LAMA2: variants seen among roughly 807,000 people sequenced by gnomAD.
LAMA2 encodes the protein laminin subunit alpha-2.
LAMA2 carries 269 observed loss-of-function variants against 364.8 expected under a neutral mutation model. The observed-to-expected ratio is 0.74, with a 90% CI of 0.67 to 0.82. The LOEUF (loss-of-function observed/expected upper bound fraction) is 0.82, where lower values mean the gene tolerates loss of function less well. LAMA2 is among the 40% of genes least tolerant of loss of function. The pLI is 0.00. For synonymous variants in LAMA2, 1,379 were observed against 1,370.6 expected (o/e 1.01, Z -0.14); for missense variants, 3,807 against 3,873.2 (o/e 0.98, Z 0.45).
intron 1 of LAMA2, among the ~76,000 whole-genome samples, chr6:128,910,119 A>C (rs1777797135): frequency 6.6e-6 from 1 of 151,608 alleles, no homozygotes; most frequent in South Asian, 2.1e-4. Context: ...TGTGTCTTGG[A>C]GTTGCTTTTC....
chr6:129,295,823 A>G (rs1441088708), intron 20 of LAMA2, among the ~76,000 whole-genome samples: 1 of 151,510 alleles, frequency 6.6e-6, no homozygotes, highest in East Asian at 1.9e-4. Flanking sequence ...ATATGTGTTT[A>G]TACATATATC....
intron 7 of LAMA2, among the ~76,000 whole-genome samples, chr6:129,153,240 G>A (rs551423570): frequency 1.2e-4 from 19 of 152,194 alleles, no homozygotes; most frequent in East Asian, 3.9e-4. Flanking sequence ...AAGACATTAC[G>A]CTAATGATTT....
intron 1 of LAMA2, among the ~76,000 whole-genome samples, chr6:129,006,878 G>A (rs937913421): frequency 3.9e-5 from 6 of 151,998 alleles, no homozygotes; most frequent in Non-Finnish European, 7.4e-5. Context: ...CAGTGTACCC[G>A]CATGCTTTCC....
intron 1 of LAMA2, among the ~76,000 whole-genome samples, chr6:128,950,078 T>C (rs1780719130): frequency 6.6e-6 from 1 of 152,202 alleles, no homozygotes; most frequent in Non-Finnish European, 1.5e-5. Context: ...GTTTAAGTAC[T>C]TACAATATGC....
intron 6 of LAMA2, among the ~76,000 whole-genome samples, chr6:129,147,475 T>C (rs919607109): frequency 6.6e-6 from 1 of 150,940 alleles, no homozygotes; most frequent in Non-Finnish European, 1.5e-5. Context: ...AACAGGAGGA[T>C]AAAATAGGGC....
chr6:129,132,778 T>C (rs1777568503), intron 4 of LAMA2, among the ~76,000 whole-genome samples: 1 of 152,224 alleles, frequency 6.6e-6, no homozygotes, highest in Non-Finnish European at 1.5e-5. Context: ...GTGTGCTAGA[T>C]ATTGTTCTAA....
intron 29 of LAMA2, among the ~76,000 whole-genome samples, chr6:129,337,894 T>TA (rs1443339668): frequency 1.3e-5 from 2 of 152,156 alleles, no homozygotes; most frequent in African/African-American, 4.8e-5. Context: ...CTATGTACAC[T>TA]ATTTCAAAGC....
intron 24 of LAMA2, 75 bp downstream of exon 24, chr6:129,314,873 G>A (rs1774480920): frequency 2.0e-6 from 3 of 1,525,706 alleles, no homozygotes; most frequent in African/African-American, 2.7e-5. Flanking sequence ...AGGCACTGAG[G>A]GGTAGTAGAA....
intron 64 of LAMA2, 50 bp from the exon 65 acceptor site, chr6:129,516,140 T>C: frequency 6.3e-7 from 1 of 1,596,346 alleles, no homozygotes; most frequent in East Asian, 2.2e-5. Flanking sequence ...GCTCTTAATA[T>C]TTGGTGCAGG....
intron 34 of LAMA2, among the ~76,000 whole-genome samples, chr6:129,374,884 A>G (rs1348900418): frequency 6.6e-6 from 1 of 151,204 alleles, no homozygotes; most frequent in African/African-American, 2.4e-5. Context: ...CATGCCCAGC[A>G]CTACTGCCAA....
intron 1 of LAMA2, among the ~76,000 whole-genome samples, chr6:128,964,833 T>A (rs1163801724): frequency 6.6e-6 from 1 of 152,040 alleles, no homozygotes; most frequent in Non-Finnish European, 1.5e-5. Flanking sequence ...TTTGGGAAAT[T>A]GAATATATGT....
intron 8 of LAMA2, chr6:129,157,401 A>T: frequency 2.5e-6 from 3 of 1,196,782 alleles, no homozygotes; most frequent in African/African-American, 1.5e-5. Context: ...GCAGCCTGTG[A>T]ACACGTAGTG....
chr6:129,201,179 A>G (rs1463590277), intron 12 of LAMA2, among the ~76,000 whole-genome samples: 1 of 152,204 alleles, frequency 6.6e-6, no homozygotes, highest in East Asian at 1.9e-4. Flanking sequence ...AATTGCCCCA[A>G]GATTATTGCC....
intron 29 of LAMA2, among the ~76,000 whole-genome samples, chr6:129,341,873 T>A (rs1776284463): frequency 6.6e-6 from 1 of 152,236 alleles, no homozygotes; most frequent in African/African-American, 2.4e-5. Context: ...CACCTACATC[T>A]ATGCTTTCCA....
chr6:128,972,376 G>A lies in LAMA2; in HGVS notation c.113-77542G>A, dbSNP rs920449950. ...TGTATGAGTTACTTAACCACACTGA[G>A]CCTCAAATTCCCATCAGTTATATGT... On this transcript the variant is annotated intron_variant, in intron 1 of 64. Transcript: ENST00000421865. Among the ~76,000 whole-genome samples, 3 of 152,232 alleles carry A rather than the reference G, an allele frequency of 2.0e-5. No homozygotes were observed. In the South Asian group the frequency reaches 6.2e-4, roughly 32 times the overall value.
At chr6:129,086,181 G>C (rs759239876) in intron 3 of LAMA2, among the ~76,000 whole-genome samples, 4 of 152,154 alleles carry the variant, frequency 2.6e-5, no homozygotes, top group Non-Finnish European at 5.9e-5. Flanking sequence ...TTGTCATTTT[G>C]GTAGAACTTC....
At chr6:129,109,535 C>T (rs1273977502) in intron 4 of LAMA2, among the ~76,000 whole-genome samples, 2 of 151,978 alleles carry the variant, frequency 1.3e-5, no homozygotes, top group South Asian at 4.1e-4. Context: ...AAATTGGCTG[C>T]TAAAACCAAT....
intron 3 of LAMA2, among the ~76,000 whole-genome samples, chr6:129,060,808 C>A (rs1788858048): frequency 6.6e-6 from 1 of 152,176 alleles, no homozygotes; most frequent in African/African-American, 2.4e-5. Flanking sequence ...TTGGTGAGGG[C>A]TGCATATATT....
chr6:129,481,206 A>T, intron 54 of LAMA2, 57 bp from the exon 55 acceptor site: 1 of 1,362,146 alleles, frequency 7.3e-7, no homozygotes, highest in South Asian at 1.2e-5. Context: ...TGAGATGGAG[A>T]ACTTATTTAA....
Sources: allele counts gnomAD v4.1 joint callset (sites outside exome capture counted in the v4.1 genomes callset), GRCh38; gene constraint gnomAD v4.1.1; transcripts MANE v1.5; gene names NCBI Gene and HGNC (gene_info 2026-07-23, HGNC 2026-07-21).